DUOX1: variants seen among roughly 807,000 people sequenced by gnomAD.
The protein encoded by DUOX1 is NADPH thyroid oxidase 1.
DUOX1 carries 134 observed loss-of-function variants against 181.8 expected under a neutral mutation model. That is an observed-to-expected ratio of 0.74 (90% CI 0.64 to 0.85). The LOEUF (loss-of-function observed/expected upper bound fraction) is 0.85, where lower values mean the gene tolerates loss of function less well. DUOX1 is among the 40% of genes least tolerant of loss of function. The pLI, the probability that DUOX1 is intolerant of heterozygous loss-of-function variation, is 0.00. For synonymous variants in DUOX1, 798 were observed against 832.5 expected (o/e 0.96, Z 0.71); for missense variants, 1,814 against 2,064.4 (o/e 0.88, Z 2.35).
At chr15:45,164,033 G>C (rs1897170012) in intron 33 of DUOX1, 115 bp downstream of exon 33, 3 of 1,454,720 alleles carry the variant, frequency 2.1e-6, no homozygotes, top group Non-Finnish European at 2.8e-6. Flanking sequence ...CCCATCCCCT[G>C]GGAGATTGGT....
chr15:45,142,767 A>AAGGAAGGAAGGAAGGAAGGAAGGAAG (rs1896535782), intron 15 of DUOX1, among the ~76,000 whole-genome samples: 1 of 115,160 alleles, frequency 8.7e-6, no homozygotes, highest in African/African-American at 3.1e-5. Flanking sequence ...AAGGAAGGAA[A>AAGGAAGGAAGGAAGGAAGGAAGGAAG]GAAGGAAGGA....
At chr15:45,148,576 A>T in intron 21 of DUOX1, 129 bp downstream of exon 21, 1 of 951,998 alleles carries the variant, frequency 1.1e-6, no homozygotes, top group South Asian at 1.9e-5. Flanking sequence ...TGAATGTAGT[A>T]ATATGTAATA....
At position 45,131,950 on chromosome 15, in the gene DUOX1, C is replaced by G. The variant is rs1421228978; in HGVS notation, c.-17C>G. ...ATTTTGGGACATTCTAATCCCTGAG[C>G]CCCTATTATTTTCATCATGGGCTTC... On this transcript the variant is annotated 5_prime_UTR_variant, in exon 2 of 34. Transcript: ENST00000389037. 2 of 1,613,550 alleles carry G rather than the reference C, an allele frequency of 1.2e-6. No individual in the cohort carries two copies. Among genetic ancestry groups the G allele is most frequent in the South Asian group, 1.1e-5 (1 of 91,060 alleles).
Position 45,164,088 on chromosome 15 carries a change from C to A in DUOX1, c.4533+170C>A, listed in dbSNP as rs73408303. Among the ~76,000 whole-genome samples the A allele has an allele frequency of 0.028, 4,261 of 152,216 alleles. 232 individuals carry two copies. Among genetic ancestry groups the A allele is most frequent in the African/African-American group, 0.099 (4,123 of 41,506 alleles). ...GATAGGTGGGTGTCACCCTTAGGTG[C>A]TAAAGGAGGAGGCAGGCAATAGGGA... On this transcript the variant is annotated intron_variant, in intron 33 of 33. Transcript: ENST00000389037.
At chr15:45,137,181 C>A (rs1896342409) in intron 9 of DUOX1, among the ~76,000 whole-genome samples, 1 of 103,190 alleles carries the variant, frequency 9.7e-6, no homozygotes. Context: ...AACCTCGTCT[C>A]TACTAAAAAA....
intron 18 of DUOX1, among the ~76,000 whole-genome samples, chr15:45,146,493 C>A (rs754990747): frequency 1.3e-5 from 2 of 152,188 alleles, no homozygotes; most frequent in African/African-American, 2.4e-5. Flanking sequence ...CTGGGGGTGG[C>A]TGTCAGTGTC....
chr15:45,131,771 G>T (rs1411124757), intron 1 of DUOX1, 147 bp from the exon 2 acceptor site: 1 of 611,102 alleles, frequency 1.6e-6, no homozygotes, highest in Non-Finnish European at 2.9e-6. Context: ...ATCAATTAAA[G>T]AATTTTCGGA....
intron 18 of DUOX1, among the ~76,000 whole-genome samples, chr15:45,145,660 A>C (rs927087399): frequency 1.3e-5 from 2 of 152,204 alleles, no homozygotes; most frequent in African/African-American, 4.8e-5. Context: ...TCACACCTGT[A>C]ATCCTAGCAC....
At chr15:45,158,146 G>T (rs1897008788) in intron 28 of DUOX1, among the ~76,000 whole-genome samples, 1 of 152,172 alleles carries the variant, frequency 6.6e-6, no homozygotes, top group Admixed American at 6.5e-5. Flanking sequence ...CAGCCTTGTG[G>T]TTTAAAAGGA....
intron 28 of DUOX1, among the ~76,000 whole-genome samples, chr15:45,156,264 C>T (rs1896967554): frequency 6.6e-6 from 1 of 152,140 alleles, no homozygotes; most frequent in African/African-American, 2.4e-5. Context: ...GGTGGACTAC[C>T]TGCACCCAAG....
At position 45,135,432 on chromosome 15, in the gene DUOX1, C is replaced by A. The variant is rs912150710; in HGVS notation, c.496-42C>A. The A allele has an allele frequency of 1.7e-5, 26 of 1,534,534 alleles. No individual in the cohort carries two copies. In the African/African-American group the frequency reaches 2.2e-4, roughly 13 times the overall value. ...CGGGCCCCGGCCTTCCCTAGCTCGC[C>A]GCCGCCCATCGACCCGGGCTCACCC... On this transcript the variant is annotated intron_variant, in intron 5 of 33. Transcript: ENST00000389037.
chr15:45,163,884 C>A lies in DUOX1; in HGVS notation c.4499C>A (p.Pro1500His), dbSNP rs1567023120. 1 of 1,614,146 alleles carries A rather than the reference C, an allele frequency of 6.2e-7. No individual in the cohort carries two copies. The highest frequency in any genetic ancestry group is 1.1e-5 in the South Asian group (1 of 91,084). ...CACTTTGGCCGTCCCCCCTTTGAGC[C>A]CTTCTTCAACTCCCTGCAGGAGGTC... ...ITHFGRPPFE[P>H]FFNSLQEVHP... is the part of the protein sequence containing the mutation. Residue 1500 changes from proline to histidine, a missense_variant, in exon 33 of 34, where the codon CCC becomes CAC. Around this residue, in one of 5 missense-constraint regions of DUOX1, gnomAD observed 124 missense variants for 125.7 expected, o/e 0.99. Transcript: ENST00000389037.
At position 45,139,089 on chromosome 15, in the gene DUOX1, A is replaced by G; in HGVS notation, c.1137A>G (p.Glu379=). The part of the protein sequence containing the change: ...SREHPSLQSA[E]DVDALLLGMA... ...AGCACCCAAGCCTACAAAGTGCTGA[A>G]GATGTGGATGCACTGCTGCTGGGCA... Residue 379 remains glutamate (E), a synonymous_variant, in exon 11 of 34, where the codon GAA becomes GAG. Transcript: ENST00000389037. 6.2e-7 allele frequency: 1 copy of G among 1,614,136 alleles called. No individual in the cohort carries two copies. Among genetic ancestry groups the G allele is most frequent in the Non-Finnish European group, 8.5e-7 (1 of 1,179,994 alleles).
chr15:45,131,694 C>T (rs1018711466), intron 1 of DUOX1: 27 of 481,542 alleles, frequency 5.6e-5, no homozygotes, highest in Admixed American at 4.4e-4. Context: ...TTGTTTTGTT[C>T]GTCACTTAAT....
intron 11 of DUOX1, 50 bp from the exon 12 acceptor site, chr15:45,139,377 T>A (rs1896431008): frequency 6.2e-7 from 1 of 1,601,750 alleles, no homozygotes; most frequent in Admixed American, 1.8e-5. Flanking sequence ...GACTGGACAC[T>A]GCTGTGGTGG....
At position 45,162,239 on chromosome 15, in the gene DUOX1, T is replaced by C. The variant is rs773559186; in HGVS notation, c.4110T>C (p.Phe1370=). ...RYPKLYLDGP[F]GEGHQEWHKF... The stretch of plus-strand genomic sequence containing the variant: ...TACAGCTGTACCTTGATGGACCATT[T>C]GGAGAGGGCCACCAGGAGTGGCATA... The change falls in exon 31 of 34, where the codon TTT becomes TTC. Residue 1370 remains phenylalanine, a synonymous_variant. Coordinates refer to ENST00000389037, the MANE Select transcript of DUOX1 (RefSeq NM_175940.3). 1.6e-5 allele frequency: 26 copies of C among 1,610,720 alleles called. No individual in the cohort carries two copies. Among genetic ancestry groups the C allele is most frequent in the Non-Finnish European group, 2.2e-5 (26 of 1,178,020 alleles).
chr15:45,137,793 G>A, intron 9 of DUOX1, 131 bp from the exon 10 acceptor site: 1 of 662,010 alleles, frequency 1.5e-6, no homozygotes, highest in Non-Finnish European at 2.5e-6. Flanking sequence ...ATGTGCTAAG[G>A]TCCGAACCAC....
chr15:45,140,642 A>C, intron 12 of DUOX1: 1 of 399,912 alleles, frequency 2.5e-6, no homozygotes, highest in Non-Finnish European at 4.5e-6. Flanking sequence ...CAAGTTATGA[A>C]TGCGGATTGG....
chr15:45,133,075 T>C (rs996602352), intron 2 of DUOX1, among the ~76,000 whole-genome samples: 1 of 152,200 alleles, frequency 6.6e-6, no homozygotes, highest in African/African-American at 2.4e-5. Context: ...AGCTATCTGC[T>C]CTACTGATCA....
Sources: allele counts gnomAD v4.1 joint callset (sites outside exome capture counted in the v4.1 genomes callset), GRCh38; gene constraint gnomAD v4.1.1; regional missense constraint gnomAD v4.1.1; transcripts MANE v1.5; gene names NCBI Gene and HGNC (gene_info 2026-07-23, HGNC 2026-07-21).